RHCG: variants seen among roughly 807,000 people sequenced by gnomAD.
RHCG encodes ammonium transporter Rh type C.
In RHCG, 39 loss-of-function variants were observed where a neutral mutation model predicts 55.3. The ratio of observed to expected loss-of-function variants is 0.70; its 90% CI spans 0.55 to 0.92. RHCG has a LOEUF of 0.92. RHCG is among the 40% of genes least tolerant of loss of function. The pLI, the probability that RHCG is intolerant of heterozygous loss-of-function variation, is 0.00. For missense variants in RHCG, 635 were observed against 627.9 expected, an observed-to-expected ratio of 1.01 and a Z score of -0.12; for synonymous variants, 250 against 246.8, an observed-to-expected ratio of 1.01 and a Z score of -0.12.
chr15:89,483,320 T>C lies in RHCG; in HGVS notation c.372-103A>G, dbSNP rs1961302885. 3 of 1,098,738 alleles carry C rather than the reference T, an allele frequency of 2.7e-6. No individual in the cohort carries two copies. The South Asian group carries it at 6.6e-5, about 24-fold the overall frequency. The allele number at this position is 1,098,738 out of a possible 1,614,324, so 68.1% of individuals were successfully genotyped here. The stretch of plus-strand genomic sequence containing the variant: ...ATGGATTTGGGCTTGTGGCTTAACC[T>C]TTCTGAGCTTCAGTTTCATCATCTA... On this transcript the variant is annotated intron_variant, in intron 2 of 10. Transcript: ENST00000268122.
intron 2 of RHCG, among the ~76,000 whole-genome samples, chr15:89,485,298 T>C (rs1961339956): frequency 6.6e-6 from 1 of 152,244 alleles, no homozygotes; most frequent in African/African-American, 2.4e-5. Context: ...GTTTTGGGAA[T>C]GATAATTTCT....
intron 3 of RHCG, among the ~76,000 whole-genome samples, chr15:89,481,953 C>G (rs1467057621): frequency 6.6e-6 from 1 of 152,166 alleles, no homozygotes; most frequent in Non-Finnish European, 1.5e-5. Flanking sequence ...AGGCATGCGC[C>G]ACTACACCCA....
chr15:89,483,884 C>A (rs762487190), intron 2 of RHCG, among the ~76,000 whole-genome samples: 5 of 152,152 alleles, frequency 3.3e-5, no homozygotes, highest in Non-Finnish European at 5.9e-5. Flanking sequence ...AAGCCTGGAC[C>A]CTGAACACCC....
chr15:89,480,168 A>G, intron 4 of RHCG, 93 bp downstream of exon 4: 11 of 1,539,352 alleles, frequency 7.1e-6, no homozygotes, highest in Non-Finnish European at 9.8e-6. Context: ...GCCTTCACCC[A>G]TCATGGTGGC....
In RHCG at chr15:89,478,057, C is replaced by A. The variant is rs1961190327; in HGVS notation, c.838-83G>T. On this transcript the variant is annotated intron_variant, in intron 5 of 10. Transcript: ENST00000268122. ...TGGAGGAGCTCACTTGCTGGCTGTG[C>A]AAGGGTGCAGCCTGGCTCCTGGGAG... 4 of 1,516,100 alleles carry A rather than the reference C, an allele frequency of 2.6e-6. No individual in the cohort carries two copies. In the Admixed American group the frequency reaches 7.9e-5, roughly 30 times the overall value. 93.9% of individuals were successfully genotyped at this position (1,516,100 alleles called of 1,614,324 possible).
chr15:89,489,050 C>T (rs1376657345), intron 1 of RHCG, among the ~76,000 whole-genome samples: 1 of 152,082 alleles, frequency 6.6e-6, no homozygotes, highest in Non-Finnish European at 1.5e-5. Flanking sequence ...TGTGTATGTG[C>T]GTGTGCATCC....
At chr15:89,472,667 T>C in intron 10 of RHCG, 44 bp downstream of exon 10, 2 of 1,558,728 alleles carry the variant, frequency 1.3e-6, no homozygotes, top group Non-Finnish European at 1.7e-6. Flanking sequence ...GGGCCCCCAC[T>C]GGGAGAACCT....
chr15:89,485,595 T>A, intron 2 of RHCG, among the ~76,000 whole-genome samples: 1 of 152,242 alleles, frequency 6.6e-6, no homozygotes, highest in East Asian at 1.9e-4. Flanking sequence ...CTGTGGACAG[T>A]TTATGAGTGA....
intron 3 of RHCG, 70 bp from the exon 4 acceptor site, chr15:89,480,478 G>T: frequency 6.5e-7 from 1 of 1,539,470 alleles, no homozygotes; most frequent in Non-Finnish European, 8.9e-7. Flanking sequence ...TCCCTGTCTT[G>T]CCACACACAC....
intron 1 of RHCG, among the ~76,000 whole-genome samples, chr15:89,493,924 G>T (rs558681750): frequency 1.3e-5 from 2 of 152,196 alleles, no homozygotes; most frequent in African/African-American, 4.8e-5. Context: ...GAGAATGCAC[G>T]TGCGGTTGGA....
chr15:89,475,237 CCTTCCTTTTTTTT>C (rs1961126317), intron 9 of RHCG, among the ~76,000 whole-genome samples: 1 of 151,734 alleles, frequency 6.6e-6, no homozygotes, highest in Non-Finnish European at 1.5e-5. Flanking sequence ...TCTTTTCTTT[CCTTCCTTTTTTTT>C]CTTCCTTTTT....
At chr15:89,489,541 G>T (rs1280520619) in intron 1 of RHCG, among the ~76,000 whole-genome samples, 1 of 152,074 alleles carries the variant, frequency 6.6e-6, no homozygotes, top group African/African-American at 2.4e-5. Context: ...GCCTGTCCCA[G>T]CCCCGCCCAC....
intron 9 of RHCG, among the ~76,000 whole-genome samples, chr15:89,476,090 G>A (rs1250782954): frequency 1.4e-5 from 2 of 147,170 alleles, no homozygotes; most frequent in African/African-American, 2.5e-5. Context: ...TGTCTCTCTC[G>A]GGATCTTGCT....
chr15:89,477,681 G>C lies in RHCG; in HGVS notation c.976-28C>G, dbSNP rs71405648. The C allele has an allele frequency of 6.2e-7, 1 of 1,612,884 alleles. No individual in the cohort carries two copies. Among genetic ancestry groups the C allele is most frequent in the Non-Finnish European group, 8.5e-7 (1 of 1,179,220 alleles). On this transcript the variant is annotated intron_variant, in intron 6 of 10. Coordinates refer to ENST00000268122, the MANE Select transcript of RHCG (RefSeq NM_016321.3). The surrounding 1 kb of genome is among the most constrained non-coding windows in gnomAD (Gnocchi z 4.5). ...GGAGACGGGAGGTGGGTGCTGCTCA[G>C]GCCGGGGGCTGCATCAAGGGTGTGG...
rs1020883088 is a variant in RHCG, at chr15:89,471,733, G to C, written c.*147C>G. 2.0e-5 allele frequency: 3 copies of C among 152,888 alleles called. No individual in the cohort carries two copies. Among genetic ancestry groups the C allele is most frequent in the Admixed American group, 1.3e-4 (2 of 15,290 alleles). The allele number at this position is 152,888 out of a possible 1,614,324, so 9.5% of individuals were successfully genotyped here. A position where few individuals can be genotyped will look rare whatever the true frequency, so the allele number is the denominator to read the frequency against. On this transcript the variant is annotated 3_prime_UTR_variant, in exon 11 of 11. Coordinates refer to ENST00000268122, the MANE Select transcript of RHCG (RefSeq NM_016321.3). Reference sequence around the variant, plus strand: ...TCTCAGTCAGACCCCCTGGGATGAAGGGGAGGGCAGGGGTGGAGGCACCTT... The same window carrying C: ...TCTCAGTCAGACCCCCTGGGATGAACGGGAGGGCAGGGGTGGAGGCACCTT...
rs575844665 is a variant in RHCG at position 89,492,909 on chromosome 15, T to G, written c.184+3452A>C. 3.2e-4 allele frequency among the ~76,000 whole-genome samples: 49 copies of G among 152,320 alleles called. 1 individual carries two copies. The highest frequency in any genetic ancestry group is 1.2e-3 in the African/African-American group (49 of 41,560). On this transcript the variant is annotated intron_variant, in intron 1 of 10. Transcript: ENST00000268122. ...TGTCCTCTCCCTTTATGCCAGGAGA[T>G]GAGTGCCCTACCAGTCACCTGTCAT...
In RHCG at chr15:89,496,528, T is replaced by C. The variant is rs750733114; in HGVS notation, c.17A>G (p.Asn6Ser). 20 of 1,612,138 alleles carry C rather than the reference T, an allele frequency of 1.2e-5. No individual in the cohort carries two copies. In the South Asian group the frequency reaches 1.4e-4, roughly 12 times the overall value. The stretch of plus-strand genomic sequence containing the variant: ...GGTGAGCGGCAGCCGCCAGCGGAGG[T>C]TGGTGTTCCAGGCCATGCTGCAGGG... MAWNTNLRWRLPLTCL... is the reference protein window; with the variant it reads MAWNTSLRWRLPLTCL... Residue 6 changes from asparagine (N) to serine (S), a missense_variant, in exon 1 of 11, where the codon AAC becomes AGC. Asn to Ser is a conservative substitution (Grantham distance 46, BLOSUM62 1). Coordinates refer to ENST00000268122, the MANE Select transcript of RHCG (RefSeq NM_016321.3).
In RHCG at chr15:89,480,377, T is replaced by G. The variant is rs1567225958; in HGVS notation, c.554A>C (p.His185Pro). The G allele has an allele frequency of 6.2e-7, 1 of 1,614,052 alleles. No individual in the cohort carries two copies. The highest frequency in any genetic ancestry group is 1.3e-5 in the African/African-American group (1 of 74,920). Residue 185 changes from histidine (H) to proline (P), a missense_variant, in exon 4 of 11, where the codon CAC becomes CCC. His to Pro is a moderately conservative substitution (Grantham distance 77). Coordinates refer to ENST00000268122, the MANE Select transcript of RHCG (RefSeq NM_016321.3). ...VKDAGGSMTI[H>P]TFGAYFGLTV... The stretch of plus-strand genomic sequence containing the variant: ...GAGCCCAAAGTAGGCGCCAAATGTG[T>G]GGATGGTCATGGAGCCTCCTGCATC...
intron 10 of RHCG, among the ~76,000 whole-genome samples, chr15:89,472,279 G>C (rs939487641): frequency 1.3e-5 from 2 of 152,202 alleles, no homozygotes; most frequent in Admixed American, 6.5e-5. Flanking sequence ...AGGAGGCACA[G>C]TGTTAGTTGA....
Sources: allele counts gnomAD v4.1 joint callset (sites outside exome capture counted in the v4.1 genomes callset), GRCh38; gene constraint gnomAD v4.1.1; non-coding constraint Gnocchi (gnomAD v3.1); transcripts MANE v1.5; gene names NCBI Gene and HGNC (gene_info 2026-07-23, HGNC 2026-07-21).